The following PALM2AKAP2 variants were observed in gnomAD, a reference collection of about 807,000 sequenced individuals.
PALM2AKAP2 encodes the protein PALM2 and AKAP2 fusion.
In PALM2AKAP2, 37 loss-of-function variants were observed where a neutral mutation model predicts 71.5. The ratio of observed to expected loss-of-function variants is 0.52; its 90% CI spans 0.40 to 0.68. The LOEUF is 0.68. Among genes scored for constraint, PALM2AKAP2 ranks in the 30% least tolerant of loss-of-function variants. The probability of loss-of-function intolerance (pLI) is 0.00; values close to 1 mark genes in which losing one functional copy is unlikely to be tolerated. For missense variants in PALM2AKAP2, 1,224 were observed against 1,191.8 expected (o/e 1.03, Z -0.40); for synonymous variants, 468 against 478.8 (o/e 0.98, Z 0.29).
At chr9:109,795,746 G>A (rs2118903298) in intron 1 of PALM2AKAP2, among the ~76,000 whole-genome samples, 1 of 152,324 alleles carries the variant, frequency 6.6e-6, no homozygotes, top group East Asian at 1.9e-4. Flanking sequence ...CAGGCCTTAG[G>A]CTGGTGCTGT....
At chr9:109,854,886 T>G (rs1829119975) in intron 1 of PALM2AKAP2, among the ~76,000 whole-genome samples, 1 of 142,634 alleles carries the variant, frequency 7.0e-6, no homozygotes, top group Non-Finnish European at 1.5e-5. Flanking sequence ...TTCCCCTACC[T>G]CAGCCTCCTG....
chr9:109,699,363 T>C lies in PALM2AKAP2; in HGVS notation c.5+58497T>C, dbSNP rs190581785. 1.5e-3 allele frequency among the ~76,000 whole-genome samples: 232 copies of C among 152,354 alleles called. 1 individual carries two copies. The highest frequency in any genetic ancestry group is 2.8e-3 in the Non-Finnish European group (193 of 68,036). On this transcript the variant is annotated intron_variant, in intron 1 of 6. Transcript: ENST00000374531. Reference sequence around the variant, plus strand: ...AAAAGCTTGAAACTAGTTCTTGCCATTGGAGTCATAATTCCACTTTTCAGA... The same window carrying C: ...AAAAGCTTGAAACTAGTTCTTGCCACTGGAGTCATAATTCCACTTTTCAGA...
intron 1 of PALM2AKAP2, among the ~76,000 whole-genome samples, chr9:109,803,765 C>T (rs1827499498): frequency 6.6e-6 from 1 of 152,200 alleles, no homozygotes; most frequent in African/African-American, 2.4e-5. Flanking sequence ...CTAGTAGACA[C>T]CTTGGGAAGA....
chr9:109,897,896 T>C (rs749507667), intron 3 of PALM2AKAP2, among the ~76,000 whole-genome samples: 17 of 152,238 alleles, frequency 1.1e-4, no homozygotes, highest in Non-Finnish European at 2.1e-4. Flanking sequence ...CCACTGTGTT[T>C]CATACCAGCT....
At chr9:109,760,040 T>A (rs1167502102) in intron 1 of PALM2AKAP2, among the ~76,000 whole-genome samples, 1 of 152,158 alleles carries the variant, frequency 6.6e-6, no homozygotes, top group East Asian at 1.9e-4. Flanking sequence ...CTCTTGGTAC[T>A]TCTGTTGTCA....
intron 1 of PALM2AKAP2, among the ~76,000 whole-genome samples, chr9:110,095,262 C>T (rs1399323308): frequency 1.3e-5 from 2 of 152,306 alleles, no homozygotes; most frequent in South Asian, 2.1e-4. Flanking sequence ...GGAGATGTCT[C>T]TGAAAACCAT....
intron 6 of PALM2AKAP2, among the ~76,000 whole-genome samples, chr9:109,964,844 T>G (rs1330493756): frequency 1.3e-5 from 2 of 152,208 alleles, no homozygotes; most frequent in Non-Finnish European, 2.9e-5. Context: ...GATTTTCAAG[T>G]CAAGGATATG....
At chr9:110,136,835 G>C in exon 2 of PALM2AKAP2, 1 of 1,614,214 alleles carries the variant, frequency 6.2e-7, no homozygotes, top group Non-Finnish European at 8.5e-7. Context: ...TGACGAGCAT[G>C]AGAAAGAACA....
At chr9:109,857,782 A>G (rs1829207213) in intron 1 of PALM2AKAP2, among the ~76,000 whole-genome samples, 1 of 152,254 alleles carries the variant, frequency 6.6e-6, no homozygotes. Context: ...GAAGATTTTA[A>G]AGTATCTACC....
chr9:109,696,333 C>T (rs1382851856), intron 1 of PALM2AKAP2, among the ~76,000 whole-genome samples: 4 of 152,126 alleles, frequency 2.6e-5, no homozygotes, highest in Non-Finnish European at 5.9e-5. Context: ...AGCTTTAAAA[C>T]ATATTGAAAA....
intron 6 of PALM2AKAP2, among the ~76,000 whole-genome samples, chr9:110,011,636 T>C (rs749933831): frequency 1.3e-5 from 2 of 152,194 alleles, no homozygotes; most frequent in Non-Finnish European, 2.9e-5. Flanking sequence ...TATAAAGAAG[T>C]GTCTGTCATT....
chr9:110,016,077 C>CT lies in PALM2AKAP2; in HGVS notation c.582+39dup, dbSNP rs773908099. 5 of 1,596,840 alleles carry CT rather than the reference C, an allele frequency of 3.1e-6. No individual in the cohort carries two copies. The South Asian group carries it at 5.6e-5, about 18-fold the overall frequency. On this transcript the variant is annotated intron_variant, in intron 7 of 9. Transcript: ENST00000302798. The stretch of plus-strand genomic sequence containing the variant: ...CTTCAGGTTGATTCTCAAAGTGTAT[C>CT]TCTAGAGTAAAGGCAGCCGATGGCA...
intron 1 of PALM2AKAP2, among the ~76,000 whole-genome samples, chr9:110,070,066 C>T (rs1834170176): frequency 6.6e-6 from 1 of 152,142 alleles, no homozygotes; most frequent in African/African-American, 2.4e-5. Flanking sequence ...TCCTGGAAAA[C>T]TCCAGAGAGG....
At chr9:109,703,112 C>A (rs1212967283) in intron 1 of PALM2AKAP2, among the ~76,000 whole-genome samples, 1 of 152,168 alleles carries the variant, frequency 6.6e-6, no homozygotes, top group Non-Finnish European at 1.5e-5. Flanking sequence ...AGCCACTGTG[C>A]CTGGCCTATT....
At chr9:109,917,692 C>T (rs1314108933) in intron 3 of PALM2AKAP2, among the ~76,000 whole-genome samples, 1 of 151,944 alleles carries the variant, frequency 6.6e-6, no homozygotes, top group Non-Finnish European at 1.5e-5. Flanking sequence ...TCTTGTCTTG[C>T]CACGTTGCTC....
Position 110,120,018 on chromosome 9 carries a change from C to A in PALM2AKAP2, c.157-16109C>A, listed in dbSNP as rs375075333. Among the ~76,000 whole-genome samples the A allele has an allele frequency of 2.6e-5, 4 of 152,254 alleles. 1 individual carries two copies. Among genetic ancestry groups the A allele is most frequent in the African/African-American group, 9.6e-5 (4 of 41,548 alleles). ...TGCCAAAGTTGATTCTTAACTTGAA[C>A]TCTACACCCCTTTTGCACATACCTA... On this transcript the variant is annotated intron_variant, in intron 1 of 3. Transcript: ENST00000374525.
chr9:110,117,800 T>C (rs1309667974), intron 1 of PALM2AKAP2, among the ~76,000 whole-genome samples: 1 of 151,978 alleles, frequency 6.6e-6, no homozygotes, highest in East Asian at 1.9e-4. Flanking sequence ...GTATTTGGGA[T>C]TAAGTTTCCA....
At chr9:109,734,160 C>T (rs1213342357) in intron 1 of PALM2AKAP2, among the ~76,000 whole-genome samples, 1 of 152,118 alleles carries the variant, frequency 6.6e-6, no homozygotes, top group African/African-American at 2.4e-5. Flanking sequence ...TAAAGTATTC[C>T]CACTACTGGA....
At chr9:109,758,584 T>C (rs1371237227) in intron 1 of PALM2AKAP2, among the ~76,000 whole-genome samples, 1 of 149,274 alleles carries the variant, frequency 6.7e-6, no homozygotes, top group African/African-American at 2.5e-5. Flanking sequence ...CTTTAAATAA[T>C]AATGTATTTG....
Sources: allele counts gnomAD v4.1 joint callset (sites outside exome capture counted in the v4.1 genomes callset), GRCh38; gene constraint gnomAD v4.1.1; transcripts MANE v1.5; gene names NCBI Gene and HGNC (gene_info 2026-07-23, HGNC 2026-07-21).